ILDR1: variants seen among roughly 807,000 people sequenced by gnomAD.
ILDR1 encodes the protein immunoglobulin like domain containing receptor 1, also known as immunoglobulin-like domain-containing receptor 1.
Under a neutral mutation model 62.4 loss-of-function variants are expected in ILDR1, and 56 were observed. The observed-to-expected ratio is 0.90, with a 90% CI of 0.72 to 1.12. ILDR1 has a LOEUF of 1.12. Among genes scored for constraint, ILDR1 ranks in the 50% most tolerant of loss-of-function variants. The pLI is 0.00. For synonymous variants in ILDR1, 284 were observed against 277.8 expected (o/e 1.02, Z -0.22); for missense variants, 736 against 710.6 (o/e 1.04, Z -0.41).
the ILDR1 span, among the ~76,000 whole-genome samples, chr3:122,041,130 A>G: frequency 6.6e-6 from 1 of 152,378 alleles, no homozygotes; most frequent in East Asian, 1.9e-4. Context: ...ACCAAAGAAG[A>G]TATGCAGATG....
chr3:122,050,996 T>G, the ILDR1 span, among the ~76,000 whole-genome samples: 1 of 152,222 alleles, frequency 6.6e-6, no homozygotes, highest in Admixed American at 6.5e-5. Context: ...TGCTAAGAAA[T>G]CCATTGCTAA....
rs79470298 is a variant in ILDR1, at chr3:121,996,013, C to T, written c.647-1700G>A. 4.0e-3 allele frequency among the ~76,000 whole-genome samples: 604 copies of T among 152,210 alleles called. 7 individuals carry two copies. Among genetic ancestry groups the T allele is most frequent in the African/African-American group, 0.014 (578 of 41,488 alleles). On this transcript the variant is annotated intron_variant, in intron 5 of 7. Coordinates refer to ENST00000344209, the MANE Select transcript of ILDR1 (RefSeq NM_001199799.2). ...AGCAAAAAACCTTCCCTGCAGGCAC[C>T]TCCTCAATTTACCTCTCTCTAACTC...
the ILDR1 span, among the ~76,000 whole-genome samples, chr3:122,048,082 G>A: frequency 6.6e-6 from 1 of 152,116 alleles, no homozygotes; most frequent in South Asian, 2.1e-4. Context: ...GCTAGCAGTG[G>A]GATTTTCACA....
intron 5 of ILDR1, among the ~76,000 whole-genome samples, chr3:121,998,114 C>T (rs1037971243): frequency 6.6e-6 from 1 of 152,186 alleles, no homozygotes; most frequent in Non-Finnish European, 1.5e-5. Flanking sequence ...AATCATCCTC[C>T]ACATTTTAAT....
At chr3:122,001,526 C>A (rs1434713871) in intron 4 of ILDR1, 72 bp from the exon 5 acceptor site, 1 of 1,563,080 alleles carries the variant, frequency 6.4e-7, no homozygotes, top group Non-Finnish European at 8.8e-7. Flanking sequence ...TTCTGATATC[C>A]TAGAGGTCTC....
rs1347499678 is a variant in ILDR1, at chr3:121,993,543, C to T, written c.1206G>A (p.Arg402=). The change falls in exon 7 of 8, where the codon AGG becomes AGA. Residue 402 remains arginine, a synonymous_variant. Coordinates refer to ENST00000344209, the MANE Select transcript of ILDR1 (RefSeq NM_001199799.2). The stretch of plus-strand genomic sequence containing the variant: ...ACCCATTCAGCCTAGAGCTACGGTG[C>T]CTTCCACTCCACGATGGGTCCAACT... ...RRELDPSWSG[R]HRSSRLNGSP... 1 of 1,614,108 alleles carries T rather than the reference C, an allele frequency of 6.2e-7. No homozygotes were observed. Among genetic ancestry groups the T allele is most frequent in the South Asian group, 1.1e-5 (1 of 91,090 alleles).
upstream of ILDR1, among the ~76,000 whole-genome samples, chr3:122,026,692 G>T (rs921188413): frequency 2.0e-5 from 3 of 152,124 alleles, no homozygotes; most frequent in African/African-American, 7.2e-5. Flanking sequence ...TTACTTCTTG[G>T]CTAGTGGCCT....
In ILDR1 at chr3:121,993,181, C is replaced by G; in HGVS notation, c.1568G>C (p.Ser523Thr). 1 of 1,611,254 alleles carries G rather than the reference C, an allele frequency of 6.2e-7. No homozygotes were observed. ...RSLDITPGKN[S>T]RKKGSVERRS... ...CCTCTCCACACTCCCTTTTTTCCTG[C>G]TATTCTTGCCTGGAGTGATATCAAG... The change falls in exon 7 of 8, where the codon AGC becomes ACC. Residue 523 changes from serine to threonine, a missense_variant. Physicochemically the swap from Ser to Thr is moderately conservative, Grantham distance 58. Coordinates refer to ENST00000344209, the MANE Select transcript of ILDR1 (RefSeq NM_001199799.2).
chr3:122,057,024 C>CA, the ILDR1 span, among the ~76,000 whole-genome samples: 1 of 151,354 alleles, frequency 6.6e-6, no homozygotes, highest in African/African-American at 2.5e-5. Context: ...GAAATAAATA[C>CA]AAATTAAAAC....
chr3:122,040,364 G>A, the ILDR1 span, among the ~76,000 whole-genome samples: 2 of 151,888 alleles, frequency 1.3e-5, no homozygotes, highest in Non-Finnish European at 2.9e-5. Flanking sequence ...AAAGGGGTTG[G>A]AAGAAGTTGC....
At chr3:122,056,527 G>A in the ILDR1 span, among the ~76,000 whole-genome samples, 1 of 152,000 alleles carries the variant, frequency 6.6e-6, no homozygotes, top group Non-Finnish European at 1.5e-5. Flanking sequence ...TAGAGACGGG[G>A]TCCACCATGT....
At chr3:122,029,879 T>C in the ILDR1 span, among the ~76,000 whole-genome samples, 2 of 152,236 alleles carry the variant, frequency 1.3e-5, no homozygotes, top group Non-Finnish European at 2.9e-5. Context: ...TGTTCAAGTG[T>C]GTTTTTAATC....
chr3:122,058,642 G>A, the ILDR1 span, among the ~76,000 whole-genome samples: 1 of 152,082 alleles, frequency 6.6e-6, no homozygotes, highest in African/African-American at 2.4e-5. Flanking sequence ...AGAGAAAGAA[G>A]CTGGGTGGGG....
chr3:122,050,168 A>G, the ILDR1 span, among the ~76,000 whole-genome samples: 64 of 152,282 alleles, frequency 4.2e-4, no homozygotes, highest in Middle Eastern at 3.4e-3. Flanking sequence ...ATCTAAAGTG[A>G]ATCTTGTAGA....
the ILDR1 span, chr3:122,055,329 T>C: frequency 1.6e-6 from 1 of 640,596 alleles, no homozygotes; most frequent in Non-Finnish European, 2.8e-6. Flanking sequence ...GAGGAACAGC[T>C]TCTCTTAAAG....
intron 1 of ILDR1, among the ~76,000 whole-genome samples, chr3:122,016,988 T>C (rs1365085576): frequency 1.3e-5 from 2 of 152,192 alleles, no homozygotes; most frequent in South Asian, 2.1e-4. Context: ...TCTCAAGAGT[T>C]GCAGATTGGG....
chr3:122,053,639 T>TCCC, the ILDR1 span, among the ~76,000 whole-genome samples: 1 of 152,304 alleles, frequency 6.6e-6, no homozygotes, highest in South Asian at 2.1e-4. Flanking sequence ...CTCAGCCTCC[T>TCCC]GAGTAGCCAG....
At chr3:122,000,616 T>C (rs1242902529) in intron 5 of ILDR1, among the ~76,000 whole-genome samples, 1 of 152,224 alleles carries the variant, frequency 6.6e-6, no homozygotes, top group African/African-American at 2.4e-5. Context: ...CTCTAGCAAA[T>C]TAATTGAACT....
chr3:122,005,291 G>A lies in ILDR1; in HGVS notation c.332C>T (p.Pro111Leu). 6.2e-7 allele frequency: 1 copy of A among 1,613,776 alleles called. No individual in the cohort carries two copies. Among genetic ancestry groups the A allele is most frequent in the Non-Finnish European group, 8.5e-7 (1 of 1,179,906 alleles). Residue 111 changes from proline to leucine, a missense_variant, in exon 3 of 8, where the codon CCC becomes CTC. Transcript: ENST00000344209. Reference sequence around the variant, plus strand: ...CTGCCGGTAATCTACCCCCAGCACGGGCTCATTCTGCCCCCGCCGCTGGGC... The same window carrying A: ...CTGCCGGTAATCTACCCCCAGCACGAGCTCATTCTGCCCCCGCCGCTGGGC... ...IVAQRRGQNE[P>L]VLGVDYRQRK...
Sources: gnomAD v4.1 joint callset for allele counts (sites outside exome capture counted in the v4.1 genomes callset) on GRCh38, gnomAD v4.1.1 for gene constraint, MANE v1.5 for transcripts, NCBI Gene and HGNC (gene_info 2026-07-23, HGNC 2026-07-21) for gene names.